IQCM: variants seen among roughly 807,000 people sequenced by gnomAD.
IQCM encodes IQ domain-containing protein M.
In IQCM, 45 loss-of-function variants were observed where a neutral mutation model predicts 57.6. That is an observed-to-expected ratio of 0.78 (90% CI 0.62 to 1.00). IQCM has a LOEUF of 1.00. IQCM is among the 50% of genes least tolerant of loss of function. The pLI, the probability that IQCM is intolerant of heterozygous loss-of-function variation, is 0.00. For missense variants in IQCM, 468 were observed against 511.6 expected (o/e 0.91, Z 0.82); for synonymous variants, 148 against 158.9 (o/e 0.93, Z 0.51).
intron 2 of IQCM, among the ~76,000 whole-genome samples, chr4:149,802,519 T>C (rs987927489): frequency 1.3e-5 from 2 of 152,000 alleles, no homozygotes; most frequent in Admixed American, 6.6e-5. Context: ...ACAACTTGTA[T>C]TGGCCCACTT....
intron 12 of IQCM, among the ~76,000 whole-genome samples, chr4:149,492,617 C>T (rs1742214549): frequency 6.6e-6 from 1 of 152,066 alleles, no homozygotes; most frequent in Admixed American, 6.6e-5. Context: ...TCTTGCAAGG[C>T]CTACATTCTG....
chr4:149,395,263 C>A (rs1265249510), intron 13 of IQCM, among the ~76,000 whole-genome samples: 1 of 152,024 alleles, frequency 6.6e-6, no homozygotes, highest in Non-Finnish European at 1.5e-5. Flanking sequence ...AAAGGCTAAC[C>A]TGCCTTAGAA....
At chr4:149,455,593 T>C (rs1737611603) in intron 12 of IQCM, among the ~76,000 whole-genome samples, 1 of 152,100 alleles carries the variant, frequency 6.6e-6, no homozygotes, top group Non-Finnish European at 1.5e-5. Flanking sequence ...TACTATGTGC[T>C]AGATACAAGA....
chr4:149,751,609 T>G (rs1331522651), intron 2 of IQCM, among the ~76,000 whole-genome samples: 2 of 152,208 alleles, frequency 1.3e-5, no homozygotes, highest in African/African-American at 4.8e-5. Flanking sequence ...AATCTTTATA[T>G]CTCACAGGGC....
intron 12 of IQCM, among the ~76,000 whole-genome samples, chr4:149,444,675 A>G (rs1736313104): frequency 6.6e-6 from 1 of 151,870 alleles, no homozygotes; most frequent in African/African-American, 2.4e-5. Context: ...AATTATATGA[A>G]AACTGAAAAA....
Position 149,626,877 on chromosome 4 carries a change from C to A in IQCM, c.566-5633G>T, listed in dbSNP as rs193084453. Among the ~76,000 whole-genome samples the A allele has an allele frequency of 3.3e-5, 5 of 152,148 alleles. No homozygotes were observed. The East Asian group carries it at 9.7e-4, about 29-fold the overall frequency. On this transcript the variant is annotated intron_variant, in intron 7 of 13. Coordinates refer to ENST00000636793, the MANE Select transcript of IQCM (RefSeq NM_001363507.2). ...TGACTTTTACATAATAATATACTCA[C>A]CCCTCCCTAATCTGAAAGATGGTAG...
chr4:149,484,370 G>A (rs1741240218), intron 12 of IQCM, among the ~76,000 whole-genome samples: 1 of 151,784 alleles, frequency 6.6e-6, no homozygotes, highest in African/African-American at 2.4e-5. Flanking sequence ...TTGTTTTTCA[G>A]TCTTTTCTGT....
chr4:149,714,969 T>C (rs556237967), intron 5 of IQCM, among the ~76,000 whole-genome samples: 2 of 152,308 alleles, frequency 1.3e-5, no homozygotes, highest in South Asian at 4.1e-4. Flanking sequence ...TTATGAATTG[T>C]TTATTTCTGG....
chr4:149,810,720 G>A (rs1774495771), intron 2 of IQCM, among the ~76,000 whole-genome samples: 1 of 152,078 alleles, frequency 6.6e-6, no homozygotes, highest in Non-Finnish European at 1.5e-5. Flanking sequence ...AAATTGCTGG[G>A]ATTACAGGCG....
chr4:149,483,794 A>T (rs752499093), intron 12 of IQCM, among the ~76,000 whole-genome samples: 1 of 151,986 alleles, frequency 6.6e-6, no homozygotes, highest in African/African-American at 2.4e-5. Context: ...ATTTTTTTCT[A>T]TAGTGCAAAT....
At chr4:149,578,241 G>A (rs566937469) in intron 9 of IQCM, among the ~76,000 whole-genome samples, 1 of 151,770 alleles carries the variant, frequency 6.6e-6, no homozygotes, top group South Asian at 2.1e-4. Flanking sequence ...TTCTGGCTAA[G>A]ACTCCTAGAT....
At chr4:149,632,684 C>G (rs150643293) in intron 7 of IQCM, among the ~76,000 whole-genome samples, 1 of 152,128 alleles carries the variant, frequency 6.6e-6, no homozygotes, top group Non-Finnish European at 1.5e-5. Flanking sequence ...TCACTCTATT[C>G]TTTACTACTC....
intron 2 of IQCM, among the ~76,000 whole-genome samples, chr4:149,775,781 T>C (rs778678159): frequency 1.2e-4 from 18 of 152,226 alleles, no homozygotes; most frequent in African/African-American, 4.3e-4. Context: ...ACACTATCTA[T>C]AGCAGGTTTA....
intron 13 of IQCM, among the ~76,000 whole-genome samples, chr4:149,372,963 A>G (rs1412082152): frequency 1.3e-5 from 2 of 152,180 alleles, no homozygotes; most frequent in Non-Finnish European, 2.9e-5. Context: ...GAGATGGTTT[A>G]TCACGAAATC....
intron 7 of IQCM, among the ~76,000 whole-genome samples, chr4:149,642,771 A>G (rs887795944): frequency 9.9e-5 from 15 of 152,218 alleles, no homozygotes; most frequent in African/African-American, 2.9e-4. Flanking sequence ...GATTTGGGAT[A>G]GATTCAAAAT....
At chr4:149,447,147 G>A (rs550329692) in intron 12 of IQCM, among the ~76,000 whole-genome samples, 31 of 151,496 alleles carry the variant, frequency 2.0e-4, no homozygotes, top group Non-Finnish European at 3.8e-4. Context: ...AAATAATATA[G>A]TAGATGGAAG....
chr4:149,796,106 A>T (rs74875634), intron 2 of IQCM, among the ~76,000 whole-genome samples: 3,345 of 152,270 alleles, frequency 0.022, 63 homozygotes, highest in South Asian at 0.036. Context: ...AAGTGGGGCC[A>T]TGAGGTATCC....
intron 7 of IQCM, among the ~76,000 whole-genome samples, chr4:149,661,395 C>G (rs1021739769): frequency 6.6e-6 from 1 of 152,090 alleles, no homozygotes. Flanking sequence ...CTATGTTCGT[C>G]AAGGATATTG....
At chr4:149,524,182 C>T (rs1418096744) in intron 12 of IQCM, among the ~76,000 whole-genome samples, 1 of 152,006 alleles carries the variant, frequency 6.6e-6, no homozygotes, top group Admixed American at 6.6e-5. Flanking sequence ...TGTATGATTC[C>T]CCTAACAAGA....
Sources: gnomAD v4.1 joint callset for allele counts (sites outside exome capture counted in the v4.1 genomes callset) on GRCh38, gnomAD v4.1.1 for gene constraint, MANE v1.5 for transcripts, NCBI Gene and HGNC (gene_info 2026-07-23, HGNC 2026-07-21) for gene names.